RASGEF1C: variants seen among roughly 807,000 people sequenced by gnomAD.
RASGEF1C encodes the protein ras-GEF domain-containing family member 1C.
In RASGEF1C, 27 loss-of-function variants were observed where a neutral mutation model predicts 58.1. The ratio of observed to expected loss-of-function variants is 0.46; its 90% CI spans 0.34 to 0.64. The LOEUF is 0.64. Ranked by LOEUF, RASGEF1C falls within the 30% of genes least tolerant of loss-of-function variation. RASGEF1C has a pLI of 0.01. For missense variants in RASGEF1C, 502 were observed against 605.1 expected (o/e 0.83, Z 1.79); for synonymous variants, 243 against 246.3 (o/e 0.99, Z 0.13).
At chr5:180,194,804 C>T (rs187573584) in intron 1 of RASGEF1C, among the ~76,000 whole-genome samples, 2 of 152,310 alleles carry the variant, frequency 1.3e-5, no homozygotes, top group Admixed American at 6.5e-5. Flanking sequence ...CCGAGGATTC[C>T]GAACCAGCCC....
chr5:180,154,583 C>CTTT (rs113429753), intron 1 of RASGEF1C, among the ~76,000 whole-genome samples: 40 of 140,638 alleles, frequency 2.8e-4, no homozygotes, highest in East Asian at 8.5e-4. Flanking sequence ...ACTCTGGACT[C>CTTT]TTTTTTTTTT....
In RASGEF1C at chr5:180,137,574, C is replaced by T. The variant is rs372123976; in HGVS notation, c.300+16G>A. The T allele has an allele frequency of 3.8e-4, 604 of 1,606,300 alleles. 1 individual carries two copies. The East Asian group carries it at 8.1e-3, about 21-fold the overall frequency. On this transcript the variant is annotated intron_variant, in intron 3 of 13. Transcript: ENST00000361132. This position sits in a 1 kb window ranked among gnomAD's most constrained non-coding sequence, Gnocchi z 4.1. ...CTGGTACACTCTGAGACCCCCTGGC[C>T]TGCCCTCCGCCTCACCTTGTCCAGC...
At chr5:180,139,494 G>T (rs1766541003) in intron 1 of RASGEF1C, among the ~76,000 whole-genome samples, 1 of 152,218 alleles carries the variant, frequency 6.6e-6, no homozygotes, top group Non-Finnish European at 1.5e-5. Context: ...CCCCTCAGAG[G>T]GCTGTCCCGT....
At chr5:180,127,527 A>C in intron 6 of RASGEF1C, 82 bp downstream of exon 6, 4 of 1,395,860 alleles carry the variant, frequency 2.9e-6, no homozygotes, top group Non-Finnish European at 3.8e-6. Flanking sequence ...GCGCTCGCCC[A>C]GAGAAGGCTC....
In RASGEF1C at chr5:180,155,539, G is replaced by A. The variant is rs921981587; in HGVS notation, c.-6-17481C>T. On this transcript the variant is annotated intron_variant, in intron 1 of 13. Coordinates refer to ENST00000361132, the MANE Select transcript of RASGEF1C (RefSeq NM_175062.4). This position sits in a 1 kb window ranked among gnomAD's most constrained non-coding sequence, Gnocchi z 5.2. The stretch of plus-strand genomic sequence containing the variant: ...CCTTCAACTCCTGCTGACAGATCCC[G>A]CTGTCTCCCTCAGGAAGCTCTTGTT... 2.0e-5 allele frequency among the ~76,000 whole-genome samples: 3 copies of A among 152,030 alleles called. No homozygotes were observed. Among genetic ancestry groups the A allele is most frequent in the Non-Finnish European group, 4.4e-5 (3 of 68,002 alleles).
At chr5:180,157,443 GA>G (rs1217796553) in intron 1 of RASGEF1C, among the ~76,000 whole-genome samples, 1 of 148,940 alleles carries the variant, frequency 6.7e-6, no homozygotes, top group East Asian at 2.0e-4. Context: ...CCAACATGGA[GA>G]AACCCTGTCT....
intron 11 of RASGEF1C, among the ~76,000 whole-genome samples, chr5:180,113,288 A>AGGATGGACGGAGGGACCGG (rs1765998602): frequency 6.4e-5 from 2 of 31,178 alleles, no homozygotes; most frequent in African/African-American, 1.5e-4. Context: ...GGAGGGATCC[A>AGGATGGACGGAGGGACCGG]GGATGGACGG....
chr5:180,132,858 A>T (rs1211406244), intron 4 of RASGEF1C, among the ~76,000 whole-genome samples: 1 of 151,608 alleles, frequency 6.6e-6, no homozygotes, highest in Non-Finnish European at 1.5e-5. Context: ...AATCCCAGCT[A>T]CTCAGAAGGC....
At chr5:180,191,043 T>A (rs985798345) in intron 1 of RASGEF1C, among the ~76,000 whole-genome samples, 1 of 152,244 alleles carries the variant, frequency 6.6e-6, no homozygotes, top group South Asian at 2.1e-4. Flanking sequence ...AGAAATGATG[T>A]CTCATATCAT....
chr5:180,188,803 A>G (rs1756088994), intron 1 of RASGEF1C, among the ~76,000 whole-genome samples: 1 of 152,180 alleles, frequency 6.6e-6, no homozygotes, highest in African/African-American at 2.4e-5. Flanking sequence ...AGTACCCAAT[A>G]GTTTTTCAAC....
chr5:180,112,692 CTCTG>C (rs964744333), intron 11 of RASGEF1C, among the ~76,000 whole-genome samples: 55 of 152,382 alleles, frequency 3.6e-4, no homozygotes, highest in African/African-American at 1.3e-3. Flanking sequence ...GCATGGCATG[CTCTG>C]TCTGACTCAG....
chr5:180,127,673 C>T lies in RASGEF1C; in HGVS notation c.650G>A (p.Arg217Gln), dbSNP rs1410762395. ...QLTHVELERLRHIGPEEFVQA... is the reference protein window; with the variant it reads ...QLTHVELERLQHIGPEEFVQA... ...GACAAACTCCTCAGGCCCGATGTGC[C>T]GCAGCCGCTCCTGCAGGGAAGGGTG... Residue 217 changes from arginine to glutamine, a missense_variant, in exon 6 of 14, where the codon CGG (arginine) becomes CAG (glutamine). Transcript: ENST00000361132. 3.2e-5 allele frequency: 52 copies of T among 1,612,822 alleles called. No homozygotes were observed. The highest frequency in any genetic ancestry group is 1.7e-4 in the Middle Eastern group (1 of 5,844).
chr5:180,129,429 C>A (rs2113267855), intron 4 of RASGEF1C, among the ~76,000 whole-genome samples: 1 of 152,236 alleles, frequency 6.6e-6, no homozygotes, highest in South Asian at 2.1e-4. Flanking sequence ...ATAGGAGTGC[C>A]AGACGACTCC....
chr5:180,110,884 C>T (rs933712137), intron 12 of RASGEF1C, among the ~76,000 whole-genome samples: 5 of 151,910 alleles, frequency 3.3e-5, no homozygotes, highest in Admixed American at 2.0e-4. Flanking sequence ...GGTGCGATCT[C>T]GGCTCACTGC....
At chr5:180,205,330 T>G (rs1051137116) in intron 1 of RASGEF1C, among the ~76,000 whole-genome samples, 8 of 152,104 alleles carry the variant, frequency 5.3e-5, no homozygotes, top group African/African-American at 1.7e-4. Context: ...GAAAAAACCA[T>G]TTATAGTAGC....
At chr5:180,171,746 G>T (rs747459490) in intron 1 of RASGEF1C, among the ~76,000 whole-genome samples, 32 of 152,254 alleles carry the variant, frequency 2.1e-4, no homozygotes, top group Non-Finnish European at 4.0e-4. Context: ...GGAGAACAGC[G>T]AATGCGTAGC....
At chr5:180,124,925 A>C (rs537519052) in intron 6 of RASGEF1C, among the ~76,000 whole-genome samples, 54 of 152,304 alleles carry the variant, frequency 3.5e-4, no homozygotes, top group African/African-American at 1.3e-3. Flanking sequence ...TGAGCTCAGG[A>C]GTTCTAGACC....
chr5:180,191,626 G>T (rs145172068), intron 1 of RASGEF1C, among the ~76,000 whole-genome samples: 10,698 of 152,270 alleles, frequency 0.07, 509 homozygotes, highest in East Asian at 0.24. Flanking sequence ...AAAGTGCTGG[G>T]ATTACAGGCG....
At chr5:180,180,932 G>A (rs1419133351) in intron 1 of RASGEF1C, among the ~76,000 whole-genome samples, 2 of 152,176 alleles carry the variant, frequency 1.3e-5, no homozygotes, top group Non-Finnish European at 2.9e-5. Flanking sequence ...AGGGATCGCC[G>A]CATACAGCAC....
Sources: gnomAD v4.1 joint callset for allele counts (sites outside exome capture counted in the v4.1 genomes callset) on GRCh38, gnomAD v4.1.1 for gene constraint, Gnocchi (gnomAD v3.1) non-coding constraint, MANE v1.5 for transcripts, NCBI Gene and HGNC (gene_info 2026-07-23, HGNC 2026-07-21) for gene names.